The following RBM6 variants were observed in gnomAD, a reference collection of about 807,000 sequenced individuals.
The protein encoded by RBM6 is RNA-binding protein 6.
In RBM6, 23 loss-of-function variants were observed where a neutral mutation model predicts 140.4. The observed-to-expected ratio is 0.16, with a 90% confidence interval of 0.12 to 0.23. The LOEUF is 0.23. RBM6 is among the 10% of genes least tolerant of loss of function. The pLI is 1.00. For missense variants in RBM6, 1,139 were observed against 1,386.7 expected, an observed-to-expected ratio of 0.82 and a Z score of 2.84; for synonymous variants, 439 against 475.6, an observed-to-expected ratio of 0.92 and a Z score of 1.00.
At chr3:50,015,349 G>T (rs1486379201) in intron 6 of RBM6, among the ~76,000 whole-genome samples, 1 of 150,486 alleles carries the variant, frequency 6.6e-6, no homozygotes, top group Non-Finnish European at 1.5e-5. Flanking sequence ...CTTATGGTCT[G>T]CCCGCCTCAG....
In RBM6 at chr3:50,059,651, A is replaced by G. The variant is rs1441414566; in HGVS notation, c.2133A>G (p.Glu711=). The G allele has an allele frequency of 6.2e-7, 1 of 1,612,960 alleles. No individual in the cohort carries two copies. ...TTCAAGTGTGTCTGGTTCTATAGGA[A>G]GCTCTTCGTGTGGTGAAGATCTTAC... The part of the protein sequence containing the change: ...YGFIDLDSHA[E]ALRVVKILQN... The change falls in exon 11 of 21, where the codon GAA becomes GAG. Residue 711 remains glutamate, a splice_region_variant and synonymous_variant. Coordinates refer to ENST00000266022, the MANE Select transcript of RBM6 (RefSeq NM_005777.3).
At chr3:49,956,070 G>A (rs2083973752) in intron 1 of RBM6, among the ~76,000 whole-genome samples, 1 of 150,578 alleles carries the variant, frequency 6.6e-6, no homozygotes, top group African/African-American at 2.4e-5. Flanking sequence ...CTAGGCTTTG[G>A]TGAGCAAAAT....
intron 2 of RBM6, among the ~76,000 whole-genome samples, chr3:49,965,469 A>G (rs1052014531): frequency 6.6e-6 from 1 of 151,852 alleles, no homozygotes; most frequent in Admixed American, 6.6e-5. Flanking sequence ...GGAGATCAAG[A>G]CCATCCTGGC....
At chr3:49,968,959 C>T (rs751886067) in intron 3 of RBM6, among the ~76,000 whole-genome samples, 18 of 134,732 alleles carry the variant, frequency 1.3e-4, no homozygotes, top group East Asian at 2.0e-4. Context: ...TGAGCCACCG[C>T]GCCCGGCCTG....
chr3:50,050,185 C>T (rs1385116435), intron 7 of RBM6, among the ~76,000 whole-genome samples: 1 of 151,966 alleles, frequency 6.6e-6, no homozygotes, highest in Non-Finnish European at 1.5e-5. Context: ...TTTTTAAACC[C>T]TCAAAAGGAA....
intron 4 of RBM6, 96 bp downstream of exon 4, chr3:49,972,244 A>G (rs1231192009): frequency 5.7e-5 from 52 of 917,016 alleles, no homozygotes; most frequent in Non-Finnish European, 5.5e-5. Flanking sequence ...AGGTGCAAAG[A>G]AATGCACAGA....
chr3:49,941,708 G>A (rs1169514504), intron 1 of RBM6, among the ~76,000 whole-genome samples: 1 of 147,076 alleles, frequency 6.8e-6, no homozygotes, highest in Non-Finnish European at 1.5e-5. Flanking sequence ...AGTAGAGGCA[G>A]CGTTTCGCCT....
intron 6 of RBM6, among the ~76,000 whole-genome samples, chr3:50,041,411 C>T (rs567309096): frequency 2.0e-5 from 3 of 152,300 alleles, no homozygotes; most frequent in Non-Finnish European, 2.9e-5. Context: ...TTCTTTCTTC[C>T]TCCATCTCCT....
intron 1 of RBM6, among the ~76,000 whole-genome samples, chr3:49,953,273 G>T (rs1170233846): frequency 6.6e-6 from 1 of 150,734 alleles, no homozygotes; most frequent in Non-Finnish European, 1.5e-5. Context: ...AGGTTGGAGT[G>T]CAGTGGAGCG....
intron 6 of RBM6, among the ~76,000 whole-genome samples, chr3:50,002,058 T>C (rs1211298224): frequency 6.6e-6 from 1 of 152,128 alleles, no homozygotes; most frequent in Non-Finnish European, 1.5e-5. Context: ...TCTTTCTCTC[T>C]CTTACCCTCC....
At chr3:49,978,371 T>C (rs2085154542) in intron 5 of RBM6, among the ~76,000 whole-genome samples, 1 of 152,144 alleles carries the variant, frequency 6.6e-6, no homozygotes, top group Non-Finnish European at 1.5e-5. Flanking sequence ...GCAGAGACCA[T>C]GCAGGATGGA....
intron 5 of RBM6, among the ~76,000 whole-genome samples, chr3:49,985,806 C>T (rs1328002272): frequency 6.6e-6 from 1 of 151,560 alleles, no homozygotes; most frequent in African/African-American, 2.4e-5. Context: ...CGGGGTTTCA[C>T]TGTGTTAGCC....
At chr3:49,942,084 G>T (rs2083307412) in intron 1 of RBM6, among the ~76,000 whole-genome samples, 1 of 139,896 alleles carries the variant, frequency 7.1e-6, no homozygotes, top group South Asian at 2.1e-4. Flanking sequence ...CTGGGCCACA[G>T]AACAAGACTG....
intron 6 of RBM6, among the ~76,000 whole-genome samples, chr3:50,012,372 T>C (rs1003761090): frequency 6.6e-6 from 1 of 151,828 alleles, no homozygotes; most frequent in Non-Finnish European, 1.5e-5. Flanking sequence ...TTTTCTTTTT[T>C]TTTGAGATAG....
chr3:50,041,232 T>A (rs889408511), intron 6 of RBM6, among the ~76,000 whole-genome samples: 4 of 152,200 alleles, frequency 2.6e-5, no homozygotes, highest in Non-Finnish European at 5.9e-5. Context: ...AGTAGGATTG[T>A]GTTTTCACTG....
At chr3:49,941,864 G>A (rs572015248) in intron 1 of RBM6, among the ~76,000 whole-genome samples, 2 of 150,960 alleles carry the variant, frequency 1.3e-5, no homozygotes, top group Non-Finnish European at 2.9e-5. Context: ...CACCGTGCCC[G>A]GCCCTGTTAT....
At chr3:49,961,086 T>C (rs548383899) in intron 1 of RBM6, among the ~76,000 whole-genome samples, 10 of 151,954 alleles carry the variant, frequency 6.6e-5, no homozygotes, top group Non-Finnish European at 5.9e-5. Context: ...TTTTTGTATA[T>C]ATATTTTTTA....
chr3:49,957,740 A>G (rs1254106591), intron 1 of RBM6, among the ~76,000 whole-genome samples: 3 of 152,096 alleles, frequency 2.0e-5, no homozygotes, highest in Non-Finnish European at 4.4e-5. Context: ...TTTAGATCAC[A>G]TTGAAAGTGA....
intron 7 of RBM6, 84 bp downstream of exon 7, chr3:50,048,403 A>G: frequency 5.2e-6 from 8 of 1,542,286 alleles, no homozygotes; most frequent in South Asian, 2.4e-5. Context: ...GCCTGCTAAC[A>G]TGCATTCCCA....
Sources: allele counts gnomAD v4.1 joint callset (sites outside exome capture counted in the v4.1 genomes callset), GRCh38; gene constraint gnomAD v4.1.1; transcripts MANE v1.5; gene names NCBI Gene and HGNC (gene_info 2026-07-23, HGNC 2026-07-21).